RBFOX1: variants seen among roughly 807,000 people sequenced by gnomAD.
RBFOX1 encodes RNA binding fox-1 homolog 1, also known as RNA binding protein fox-1 homolog 1.
RBFOX1 carries 8 observed loss-of-function variants against 57.7 expected under a neutral mutation model. The observed-to-expected ratio is 0.14, with a 90% confidence interval of 0.08 to 0.25. The LOEUF (loss-of-function observed/expected upper bound fraction) is 0.25. Among genes scored for constraint, RBFOX1 ranks in the 10% least tolerant of loss-of-function variants. RBFOX1 has a pLI of 1.00. For missense variants in RBFOX1, 611 were observed against 548.5 expected (o/e 1.11, Z -1.14); for synonymous variants, 326 against 222.4 (o/e 1.47, Z -4.15).
chr16:5,545,498 A>AT (rs1313309805), intron 2 of RBFOX1, among the ~76,000 whole-genome samples: 1 of 152,180 alleles, frequency 6.6e-6, no homozygotes, highest in Non-Finnish European at 1.5e-5. Flanking sequence ...AGCAATATAT[A>AT]AAAAGGGTAA....
intron 4 of RBFOX1, among the ~76,000 whole-genome samples, chr16:7,352,297 A>G (rs901115657): frequency 6.6e-6 from 1 of 152,172 alleles, no homozygotes; most frequent in Non-Finnish European, 1.5e-5. Context: ...AACAGGGCAG[A>G]AACAACTGGC....
intron 1 of RBFOX1, among the ~76,000 whole-genome samples, chr16:6,020,766 G>T (rs1246504050): frequency 6.6e-6 from 1 of 152,132 alleles, no homozygotes; most frequent in Non-Finnish European, 1.5e-5. Flanking sequence ...GGCTAGTGGG[G>T]CGCCGCTCCC....
chr16:6,816,668 A>C (rs1208311932), intron 3 of RBFOX1, among the ~76,000 whole-genome samples: 1 of 145,930 alleles, frequency 6.9e-6, no homozygotes, highest in Non-Finnish European at 1.5e-5. Context: ...TGAACCCGGG[A>C]GGTGGAGCTT....
At chr16:7,225,374 A>T (rs1014088102) in intron 4 of RBFOX1, among the ~76,000 whole-genome samples, 3 of 151,970 alleles carry the variant, frequency 2.0e-5, no homozygotes, top group African/African-American at 7.3e-5. Flanking sequence ...ATGAGATCTG[A>T]TGGTTTTGTA....
At chr16:7,466,966 C>T (rs575288646) in intron 4 of RBFOX1, among the ~76,000 whole-genome samples, 1 of 152,300 alleles carries the variant, frequency 6.6e-6, no homozygotes, top group African/African-American at 2.4e-5. Context: ...AGAGCACCCA[C>T]TCTGCTCCAG....
chr16:7,606,348 C>G (rs2095285962), intron 9 of RBFOX1, among the ~76,000 whole-genome samples: 3 of 152,054 alleles, frequency 2.0e-5, no homozygotes, highest in South Asian at 2.1e-4. Flanking sequence ...GTCTCAAACT[C>G]CTGACCTCGT....
intron 4 of RBFOX1, among the ~76,000 whole-genome samples, chr16:5,870,925 T>G (rs146583114): frequency 2.0e-5 from 3 of 151,764 alleles, no homozygotes; most frequent in Admixed American, 1.3e-4. Context: ...AAACCCCACC[T>G]GTGGAGGAGA....
intron 3 of RBFOX1, among the ~76,000 whole-genome samples, chr16:6,855,428 G>A (rs185829742): frequency 6.6e-6 from 1 of 152,136 alleles, no homozygotes; most frequent in African/African-American, 2.4e-5. Flanking sequence ...GAGGCGGGCG[G>A]ATCATGAGGT....
chr16:6,537,318 A>G (rs1180795456), intron 2 of RBFOX1, among the ~76,000 whole-genome samples: 3 of 152,188 alleles, frequency 2.0e-5, no homozygotes, highest in Non-Finnish European at 2.9e-5. Flanking sequence ...TTGTACGTGG[A>G]TGTCTCTGCA....
chr16:6,617,613 C>A (rs138968081), intron 2 of RBFOX1, among the ~76,000 whole-genome samples: 2 of 152,206 alleles, frequency 1.3e-5, no homozygotes, highest in Middle Eastern at 3.4e-3. Flanking sequence ...CAAAGATTTA[C>A]TAAATGCTTT....
intron 4 of RBFOX1, among the ~76,000 whole-genome samples, chr16:7,231,739 G>T (rs374775393): frequency 6.6e-6 from 1 of 152,182 alleles, no homozygotes; most frequent in Admixed American, 6.5e-5. Context: ...AGGAGCTACT[G>T]TTACATGCTA....
intron 3 of RBFOX1, among the ~76,000 whole-genome samples, chr16:6,865,317 T>A (rs920289344): frequency 2.0e-5 from 3 of 152,262 alleles, no homozygotes; most frequent in Non-Finnish European, 2.9e-5. Context: ...GTGGGTTTTT[T>A]AAGTACTTAT....
At chr16:6,224,374 T>G (rs1364790258) in intron 1 of RBFOX1, among the ~76,000 whole-genome samples, 1 of 152,172 alleles carries the variant, frequency 6.6e-6, no homozygotes, top group Non-Finnish European at 1.5e-5. Context: ...CTTTTTTATT[T>G]CCTTGAGCAG....
chr16:6,442,428 G>A (rs2795569), intron 2 of RBFOX1, among the ~76,000 whole-genome samples: 3,642 of 152,006 alleles, frequency 0.024, 171 homozygotes, highest in African/African-American at 0.083. Context: ...ATGGTGGCAC[G>A]CGCCTGTAAT....
intron 11 of RBFOX1, among the ~76,000 whole-genome samples, chr16:7,642,071 C>T (rs1332941097): frequency 2.6e-5 from 4 of 152,144 alleles, no homozygotes; most frequent in Admixed American, 6.5e-5. Flanking sequence ...TCCATGACCA[C>T]GCCACTGCAC....
At chr16:7,097,158 G>A (rs778888156) in intron 4 of RBFOX1, among the ~76,000 whole-genome samples, 30 of 152,084 alleles carry the variant, frequency 2.0e-4, no homozygotes, top group African/African-American at 6.8e-4. Flanking sequence ...TGGTGACTTC[G>A]AGCAAGACTT....
At chr16:5,787,684 T>C (rs550740415) in intron 3 of RBFOX1, among the ~76,000 whole-genome samples, 1 of 152,168 alleles carries the variant, frequency 6.6e-6, no homozygotes, top group African/African-American at 2.4e-5. Flanking sequence ...TTTGGCAGCA[T>C]GGAGGGAACA....
At chr16:6,713,207 C>A (rs138788949) in intron 3 of RBFOX1, among the ~76,000 whole-genome samples, 1 of 152,080 alleles carries the variant, frequency 6.6e-6, no homozygotes, top group African/African-American at 2.4e-5. Context: ...CATCTTCTGC[C>A]TAGAGCCAGG....
intron 4 of RBFOX1, among the ~76,000 whole-genome samples, chr16:5,954,661 A>G (rs2059587705): frequency 6.6e-6 from 1 of 152,136 alleles, no homozygotes; most frequent in African/African-American, 2.4e-5. Flanking sequence ...TTGGCAGAGC[A>G]GTCAGTAATC....
Sources: allele counts gnomAD v4.1 joint callset (sites outside exome capture counted in the v4.1 genomes callset), GRCh38; gene constraint gnomAD v4.1.1; transcripts MANE v1.5; gene names NCBI Gene and HGNC (gene_info 2026-07-23, HGNC 2026-07-21).